MIPEP: variants seen among roughly 807,000 people sequenced by gnomAD.
MIPEP encodes mitochondrial intermediate peptidase.
Under a neutral mutation model 90.3 loss-of-function variants are expected in MIPEP, and 79 were observed. The ratio of observed to expected loss-of-function variants is 0.87; its 90% CI spans 0.73 to 1.05. The LOEUF is 1.05. Among genes scored for constraint, MIPEP ranks in the 50% least tolerant of loss-of-function variants. MIPEP has a pLI of 0.00. For synonymous variants in MIPEP, 334 were observed against 315.8 expected, an observed-to-expected ratio of 1.06 and a Z score of -0.61; for missense variants, 940 against 905.6, an observed-to-expected ratio of 1.04 and a Z score of -0.49.
Position 23,737,169 on chromosome 13 carries a change from G to A in MIPEP, c.2045-6724C>T, listed in dbSNP as rs576953074. Among the ~76,000 whole-genome samples the A allele has an allele frequency of 5.3e-5, 8 of 152,332 alleles. No individual in the cohort carries two copies. In the South Asian group the frequency reaches 1.7e-3, roughly 32 times the overall value. On this transcript the variant is annotated intron_variant, in intron 18 of 18. Transcript: ENST00000382172. ...GCACACTTTACAAGCAGTCACGACT[G>A]TGCCCATCTAGCTGGAAGTAGAGGG...
chr13:23,808,579 T>C (rs987105112), intron 15 of MIPEP, among the ~76,000 whole-genome samples: 2 of 152,192 alleles, frequency 1.3e-5, no homozygotes, highest in African/African-American at 2.4e-5. Context: ...AGGGAAAGGT[T>C]GGTTTTCCAT....
intron 10 of MIPEP, among the ~76,000 whole-genome samples, chr13:23,846,990 G>A (rs1180687515): frequency 6.6e-6 from 1 of 152,116 alleles, no homozygotes; most frequent in Non-Finnish European, 1.5e-5. Context: ...TTACAAGACA[G>A]TAAGTAACCT....
rs575875561 is a variant in MIPEP at position 23,797,501 on chromosome 13, C to T, written c.1848+8449G>A. ...CTCATTTTATTAAAACAGTGGGTGT[C>T]ATTCCCACTCCTTCTCTTTTATCAC... On this transcript the variant is annotated intron_variant, in intron 16 of 18. Transcript: ENST00000382172. Among the ~76,000 whole-genome samples, 5 of 152,300 alleles carry T rather than the reference C, an allele frequency of 3.3e-5. No individual in the cohort carries two copies. The East Asian group carries it at 7.7e-4, about 23-fold the overall frequency.
intron 18 of MIPEP, among the ~76,000 whole-genome samples, chr13:23,747,997 C>T (rs1174353824): frequency 6.6e-6 from 1 of 152,110 alleles, no homozygotes; most frequent in East Asian, 1.9e-4. Flanking sequence ...CCTCGGCTTC[C>T]CAAAGTGCTG....
chr13:23,754,774 C>T (rs896429046), intron 18 of MIPEP, among the ~76,000 whole-genome samples: 2 of 152,180 alleles, frequency 1.3e-5, no homozygotes, highest in African/African-American at 4.8e-5. Flanking sequence ...CGCTTATTTC[C>T]GCCTTAGCTC....
At chr13:23,791,388 C>T (rs1271664293) in intron 16 of MIPEP, among the ~76,000 whole-genome samples, 4 of 152,172 alleles carry the variant, frequency 2.6e-5, no homozygotes, top group Non-Finnish European at 5.9e-5. Context: ...CTCCTTTATA[C>T]CTGCTCCTCT....
chr13:23,760,021 C>T, intron 17 of MIPEP, 75 bp downstream of exon 17: 1 of 1,591,288 alleles, frequency 6.3e-7, no homozygotes, highest in South Asian at 1.1e-5. Context: ...AGTTCTCGAG[C>T]CCGACTTCCA....
chr13:23,886,271 T>A, intron 2 of MIPEP, 62 bp downstream of exon 2: 1 of 1,286,582 alleles, frequency 7.8e-7, no homozygotes, highest in Non-Finnish European at 1.0e-6. Context: ...AAGGATAAAT[T>A]TCACTTAAAT....
intron 10 of MIPEP, among the ~76,000 whole-genome samples, chr13:23,857,224 C>T (rs1870081896): frequency 2.0e-5 from 3 of 152,022 alleles, no homozygotes; most frequent in Admixed American, 2.0e-4. Flanking sequence ...AACCAGAAAA[C>T]AATTTTGTAA....
chr13:23,833,050 G>A lies in MIPEP; in HGVS notation c.1653+3190C>T, dbSNP rs2148238. On this transcript the variant is annotated intron_variant, in intron 14 of 18. Coordinates refer to ENST00000382172, the MANE Select transcript of MIPEP (RefSeq NM_005932.4). Reference sequence around the variant, plus strand: ...AAGTCACTGATTATCCTCTACCTGAGACCTCTCTGGAATATATTTCATAAT... The same window carrying A: ...AAGTCACTGATTATCCTCTACCTGAAACCTCTCTGGAATATATTTCATAAT... Among the ~76,000 whole-genome samples the A allele has an allele frequency of 8.7e-3, 1,324 of 152,176 alleles. 18 individuals are homozygous for A. The highest frequency in any genetic ancestry group is 0.031 in the African/African-American group (1,280 of 41,498).
intron 18 of MIPEP, among the ~76,000 whole-genome samples, chr13:23,733,170 A>C (rs1305373996): frequency 1.3e-5 from 2 of 152,266 alleles, no homozygotes; most frequent in Non-Finnish European, 2.9e-5. Flanking sequence ...TGTAGATGCT[A>C]ATAGCATACA....
intron 16 of MIPEP, among the ~76,000 whole-genome samples, chr13:23,774,781 GTTCTTTTTTTTTTTT>G (rs1197428337): frequency 1.1e-5 from 1 of 93,856 alleles, no homozygotes; most frequent in African/African-American, 3.8e-5. Flanking sequence ...TGGTTTATCA[GTTCTTTTTTTTTTTT>G]TTTTTTTTTT....
intron 13 of MIPEP, 100 bp from the exon 14 acceptor site, chr13:23,836,449 TGTAA>T (rs1444137727): frequency 1.3e-5 from 7 of 543,718 alleles, no homozygotes; most frequent in African/African-American, 1.9e-5. Flanking sequence ...TCTGATGAAC[TGTAA>T]GTTTTAATTC....
At chr13:23,806,104 G>T in intron 15 of MIPEP, 35 bp from the exon 16 acceptor site, 2 of 1,610,994 alleles carry the variant, frequency 1.2e-6, no homozygotes, top group Non-Finnish European at 8.5e-7. Context: ...AGTTTTGGTC[G>T]TCCATCCTCA....
chr13:23,759,910 C>T lies in MIPEP; in HGVS notation c.1970+186G>A, dbSNP rs147992583. Among the ~76,000 whole-genome samples, 1,103 of 152,162 alleles carry T rather than the reference C, an allele frequency of 7.2e-3. 25 individuals carry two copies. Among genetic ancestry groups the T allele is most frequent in the African/African-American group, 0.026 (1,060 of 41,516 alleles). On this transcript the variant is annotated intron_variant, in intron 17 of 18. Transcript: ENST00000382172. Reference sequence around the variant, plus strand: ...GATGTCCAGGGCCACCGGTCAGCTGCGGGAAGCAGGAGCAAGCTTGGGTGG... The same window carrying T: ...GATGTCCAGGGCCACCGGTCAGCTGTGGGAAGCAGGAGCAAGCTTGGGTGG...
At chr13:23,880,085 G>A (rs947964603) in intron 3 of MIPEP, among the ~76,000 whole-genome samples, 36 of 152,202 alleles carry the variant, frequency 2.4e-4, no homozygotes, top group African/African-American at 7.9e-4. Flanking sequence ...GAGGGATAAG[G>A]TTGTAAGAAC....
chr13:23,819,474 T>C (rs765649663), intron 14 of MIPEP, among the ~76,000 whole-genome samples: 2 of 152,242 alleles, frequency 1.3e-5, no homozygotes, highest in Non-Finnish European at 2.9e-5. Context: ...GCTTTCATTC[T>C]ACTTTGTAGA....
At chr13:23,764,056 T>C (rs1231640528) in intron 16 of MIPEP, among the ~76,000 whole-genome samples, 1 of 152,250 alleles carries the variant, frequency 6.6e-6, no homozygotes, top group Non-Finnish European at 1.5e-5. Context: ...GAAGTTTTCT[T>C]CTTCCTAAGG....
chr13:23,779,912 G>GCC, intron 16 of MIPEP, among the ~76,000 whole-genome samples: 1 of 152,280 alleles, frequency 6.6e-6, no homozygotes, highest in South Asian at 2.1e-4. Context: ...GCTGGGGGAG[G>GCC]GGCGCCCACC....
Sources: allele counts gnomAD v4.1 joint callset (sites outside exome capture counted in the v4.1 genomes callset), GRCh38; gene constraint gnomAD v4.1.1; transcripts MANE v1.5; gene names NCBI Gene and HGNC (gene_info 2026-07-23, HGNC 2026-07-21).